VGLL3: variants seen among roughly 807,000 people sequenced by gnomAD.
VGLL3 encodes the protein vestigial like family member 3.
A neutral mutation model predicts 29.2 loss-of-function variants in VGLL3; 18 were observed. The ratio of observed to expected loss-of-function variants is 0.62; its 90% CI spans 0.43 to 0.91. The LOEUF (loss-of-function observed/expected upper bound fraction) is 0.91, where lower values mean the gene tolerates loss of function less well. Among genes scored for constraint, VGLL3 ranks in the 40% least tolerant of loss-of-function variants. The pLI is 0.00. For missense variants in VGLL3, 440 were observed against 413.2 expected (o/e 1.06, Z -0.56); for synonymous variants, 180 against 151.8 (o/e 1.19, Z -1.36).
At chr3:86,947,599 A>T (rs562974364) in intron 3 of VGLL3, among the ~76,000 whole-genome samples, 2 of 152,206 alleles carry the variant, frequency 1.3e-5, no homozygotes, top group Non-Finnish European at 2.9e-5. Flanking sequence ...TACTATAGTC[A>T]GTAAAATAAA....
At chr3:86,988,753 T>TCAC in intron 1 of VGLL3, among the ~76,000 whole-genome samples, 1 of 67,976 alleles carries the variant, frequency 1.5e-5, no homozygotes, top group Non-Finnish European at 3.7e-5. Context: ...TCCCTATGGC[T>TCAC]CACTCAGCCT....
At chr3:86,964,772 A>G (rs1487775545) in intron 3 of VGLL3, among the ~76,000 whole-genome samples, 2 of 152,218 alleles carry the variant, frequency 1.3e-5, no homozygotes, top group Admixed American at 1.3e-4. Flanking sequence ...AAACTATGAC[A>G]GTAAATTTCT....
intron 3 of VGLL3, chr3:86,962,828 C>A: frequency 6.0e-6 from 1 of 166,620 alleles, no homozygotes; most frequent in Non-Finnish European, 1.0e-5. Flanking sequence ...CCAGCCTGGC[C>A]AAAATAGGGA....
rs1704329021 is a variant in VGLL3, at chr3:86,938,722, A to T, written c.*8302T>A. On this transcript the variant is annotated 3_prime_UTR_variant, in exon 4 of 4. Transcript: ENST00000398399. ...CTTTACACATTAAATCTATCAAAAC[A>T]TGTTTGCTTTTCCATAACAGTTTTC... 1 of 152,656 alleles carries T rather than the reference A, an allele frequency of 6.6e-6. No individual in the cohort carries two copies. Among genetic ancestry groups the T allele is most frequent in the African/African-American group, 2.4e-5 (1 of 41,444 alleles). 9.5% of individuals were successfully genotyped at this position (152,656 alleles called of 1,614,324 possible). A position where few individuals can be genotyped will look rare whatever the true frequency, so the allele number is the denominator to read the frequency against.
At chr3:86,978,396 C>A in intron 2 of VGLL3, 130 bp downstream of exon 2, 1 of 1,078,182 alleles carries the variant, frequency 9.3e-7, no homozygotes, top group Non-Finnish European at 1.3e-6. Context: ...AAAGAAATTC[C>A]TCACTGTCCT....
intron 3 of VGLL3, chr3:86,962,592 G>A: frequency 1.0e-6 from 1 of 957,130 alleles, no homozygotes; most frequent in Non-Finnish European, 1.2e-6. Context: ...TTTAAAAATT[G>A]CATATATATG....
intron 2 of VGLL3, among the ~76,000 whole-genome samples, chr3:86,976,157 T>C (rs1157165865): frequency 6.6e-6 from 1 of 152,072 alleles, no homozygotes; most frequent in Non-Finnish European, 1.5e-5. Context: ...ACCTATTACT[T>C]TGCATTTCAT....
chr3:86,968,766 G>T lies in VGLL3; in HGVS notation c.761C>A (p.Ala254Asp). The T allele has an allele frequency of 6.2e-7, 1 of 1,614,210 alleles. No individual in the cohort carries two copies. The highest frequency in any genetic ancestry group is 8.5e-7 in the Non-Finnish European group (1 of 1,180,022). ...HHHHHPPAGSALDPSYGPLLM... is the reference protein window; with the variant it reads ...HHHHHPPAGSDLDPSYGPLLM... ...CAGAGGCCCATAGGATGGATCCAGGGCAGAGCCAGCAGGAGGGTGGTGATG... is the reference window on the plus strand; with the variant it reads ...CAGAGGCCCATAGGATGGATCCAGGTCAGAGCCAGCAGGAGGGTGGTGATG... Residue 254 changes from alanine to aspartate, a missense_variant, in exon 3 of 4, where the codon GCC becomes GAC. By Grantham distance (126) the Ala-to-Asp change is moderately radical. Coordinates refer to ENST00000398399, the MANE Select transcript of VGLL3 (RefSeq NM_016206.4).
chr3:86,946,767 C>A lies in VGLL3; in HGVS notation c.*257G>T. On this transcript the variant is annotated 3_prime_UTR_variant, in exon 4 of 4. Transcript: ENST00000398399. The stretch of plus-strand genomic sequence containing the variant: ...AAACTTAGCTATATATTGATAAAAG[C>A]AAGATAACAAAAGGAGAGAGTTGCA... 6 of 368,682 alleles carry A rather than the reference C, an allele frequency of 1.6e-5. No homozygotes were observed. Among genetic ancestry groups the A allele is most frequent in the South Asian group, 7.6e-5 (1 of 13,114 alleles). 22.8% of individuals were successfully genotyped at this position (368,682 alleles called of 1,614,324 possible). A position where few individuals can be genotyped will look rare whatever the true frequency, so the allele number is the denominator to read the frequency against.
At chr3:86,957,763 T>A (rs762875374) in intron 3 of VGLL3, among the ~76,000 whole-genome samples, 1 of 152,072 alleles carries the variant, frequency 6.6e-6, no homozygotes, top group Non-Finnish European at 1.5e-5. Context: ...TGGGAGGGGG[T>A]AATAAATTAC....
At chr3:86,966,450 A>G (rs1704960906) in intron 3 of VGLL3, among the ~76,000 whole-genome samples, 1 of 152,052 alleles carries the variant, frequency 6.6e-6, no homozygotes, top group South Asian at 2.1e-4. Flanking sequence ...GTCAAAATTT[A>G]TGAAACGAAT....
rs1275586427 is a variant in VGLL3 at position 86,969,122 on chromosome 3, G to A, written c.405C>T (p.Asp135=). The change falls in exon 3 of 4, where the codon GAC becomes GAT. Residue 135 remains aspartate, a splice_region_variant and synonymous_variant. Transcript: ENST00000398399. ...SKMGLTPLWR[D]SSALSSQRNS... The stretch of plus-strand genomic sequence containing the variant: ...TCCGCTGGCTTGAGAGAGCTGAGCT[G>A]TCTGAGAAGACAGAAAATAAAAAAC... The A allele has an allele frequency of 6.4e-7, 1 of 1,563,874 alleles. No individual in the cohort carries two copies. The highest frequency in any genetic ancestry group is 8.7e-7 in the Non-Finnish European group (1 of 1,156,000).
chr3:86,945,109 T>C lies in VGLL3; in HGVS notation c.*1915A>G, dbSNP rs1704478619. On this transcript the variant is annotated 3_prime_UTR_variant, in exon 4 of 4. Transcript: ENST00000398399. ...AATATAAGTTCATATTATTAGTGAG[T>C]GGAAGGTATCTTAAATTTGGACCCC... 1 of 152,104 alleles carries C rather than the reference T, an allele frequency of 6.6e-6. No individual in the cohort carries two copies. Among genetic ancestry groups the C allele is most frequent in the South Asian group, 2.1e-4 (1 of 4,820 alleles). The allele number at this position is 152,104 out of a possible 1,614,324, so 9.4% of individuals were successfully genotyped here. A position where few individuals can be genotyped will look rare whatever the true frequency, so the allele number is the denominator to read the frequency against.
Position 86,939,328 on chromosome 3 carries a change from T to G in VGLL3, c.*7696A>C, listed in dbSNP as rs906767785. On this transcript the variant is annotated 3_prime_UTR_variant, in exon 4 of 4. Coordinates refer to ENST00000398399, the MANE Select transcript of VGLL3 (RefSeq NM_016206.4). ...TACATGGAAAAAGGGCCTTTAAAGA[T>G]GTAATTAAGAACCTTGAGCATGGCG... 1 of 152,146 alleles carries G rather than the reference T, an allele frequency of 6.6e-6. No homozygotes were observed. Among genetic ancestry groups the G allele is most frequent in the Admixed American group, 6.6e-5 (1 of 15,266 alleles). The allele number at this position is 152,146 out of a possible 1,614,324, so 9.4% of individuals were successfully genotyped here.
At chr3:86,950,791 T>A (rs1203414395) in intron 3 of VGLL3, among the ~76,000 whole-genome samples, 1 of 152,250 alleles carries the variant, frequency 6.6e-6, no homozygotes, top group Non-Finnish European at 1.5e-5. Flanking sequence ...TCTCTATATG[T>A]ATCTTTAAAT....
chr3:86,953,049 C>A (rs1559720778), intron 3 of VGLL3, among the ~76,000 whole-genome samples: 1 of 152,036 alleles, frequency 6.6e-6, no homozygotes, highest in Non-Finnish European at 1.5e-5. Flanking sequence ...AGAGAGAAGG[C>A]TACTCAATCT....
At chr3:86,966,741 A>C (rs1479624595) in intron 3 of VGLL3, among the ~76,000 whole-genome samples, 1 of 131,624 alleles carries the variant, frequency 7.6e-6, no homozygotes, top group African/African-American at 2.8e-5. Context: ...TCTCAGATTT[A>C]GTTTAAGAAC....
intron 1 of VGLL3, among the ~76,000 whole-genome samples, chr3:86,981,203 TATCAATTTTAAA>T (rs1705318476): frequency 2.0e-5 from 3 of 152,112 alleles, no homozygotes; most frequent in African/African-American, 7.2e-5. Context: ...AATCATAAAA[TATCAATTTTAAA>T]ATCGATATTT....
intron 1 of VGLL3, among the ~76,000 whole-genome samples, chr3:86,988,131 T>C (rs986133273): frequency 2.6e-5 from 4 of 152,218 alleles, no homozygotes; most frequent in Non-Finnish European, 4.4e-5. Context: ...ACTACTACAA[T>C]TGAATACAGA....
Sources: gnomAD v4.1 joint callset for allele counts (sites outside exome capture counted in the v4.1 genomes callset) on GRCh38, gnomAD v4.1.1 for gene constraint, MANE v1.5 for transcripts, NCBI Gene and HGNC (gene_info 2026-07-23, HGNC 2026-07-21) for gene names.